BTBD9: variants seen among roughly 807,000 people sequenced by gnomAD.
BTBD9 encodes the protein BTB/POZ domain-containing protein 9.
BTBD9 carries 49 observed loss-of-function variants against 64.3 expected under a neutral mutation model. The ratio of observed to expected loss-of-function variants is 0.76; its 90% CI spans 0.61 to 0.97. The LOEUF (loss-of-function observed/expected upper bound fraction) is 0.97. BTBD9 is among the 50% of genes least tolerant of loss of function. The probability of loss-of-function intolerance (pLI) is 0.00; values close to 1 mark genes in which losing one functional copy is unlikely to be tolerated. For missense variants in BTBD9, 598 were observed against 762.1 expected (o/e 0.78, Z 2.53); for synonymous variants, 260 against 274.7 (o/e 0.95, Z 0.53).
intron 6 of BTBD9, among the ~76,000 whole-genome samples, chr6:38,422,653 T>C (rs922674491): frequency 2.0e-5 from 3 of 152,194 alleles, no homozygotes; most frequent in Non-Finnish European, 4.4e-5. Context: ...ATATCTTCTA[T>C]GAAAAATAAA....
intron 6 of BTBD9, among the ~76,000 whole-genome samples, chr6:38,575,541 T>C (rs768112639): frequency 7.2e-5 from 11 of 152,188 alleles, no homozygotes; most frequent in Non-Finnish European, 1.5e-4. Flanking sequence ...TAGAACATTG[T>C]TTAGGTAGAC....
At chr6:38,187,749 G>A (rs983666390) in intron 10 of BTBD9, among the ~76,000 whole-genome samples, 1 of 152,136 alleles carries the variant, frequency 6.6e-6, no homozygotes, top group African/African-American at 2.4e-5. Context: ...GTAAGCATTG[G>A]GGGAATTTAC....
intron 6 of BTBD9, among the ~76,000 whole-genome samples, chr6:38,523,010 C>G (rs921807938): frequency 1.3e-5 from 2 of 152,050 alleles, no homozygotes; most frequent in African/African-American, 4.8e-5. Flanking sequence ...TGGTGAAACA[C>G]CATCTCTACT....
chr6:38,233,257 C>G (rs923736653), intron 9 of BTBD9, among the ~76,000 whole-genome samples: 3 of 152,168 alleles, frequency 2.0e-5, no homozygotes, highest in Non-Finnish European at 4.4e-5. Context: ...AATTCATTCA[C>G]TATTTTTTTA....
At chr6:38,335,445 G>T (rs9470862) in intron 7 of BTBD9, among the ~76,000 whole-genome samples, 12,746 of 151,834 alleles carry the variant, frequency 0.084, 961 homozygotes, top group African/African-American at 0.19. Context: ...TAGAGACAGG[G>T]TTTTGCCATG....
At chr6:38,559,413 G>GAA (rs988952557) in intron 6 of BTBD9, among the ~76,000 whole-genome samples, 7 of 152,052 alleles carry the variant, frequency 4.6e-5, no homozygotes, top group Non-Finnish European at 1.0e-4. Context: ...AAACACTGCT[G>GAA]AAAGAAATTA....
chr6:38,218,986 C>T (rs902150731), intron 9 of BTBD9, among the ~76,000 whole-genome samples: 1 of 152,090 alleles, frequency 6.6e-6, no homozygotes, highest in African/African-American at 2.4e-5. Context: ...TTTGGTGATA[C>T]TGACAGTTAC....
chr6:38,461,305 T>C (rs537366913), intron 6 of BTBD9, among the ~76,000 whole-genome samples: 1 of 152,342 alleles, frequency 6.6e-6, no homozygotes, highest in East Asian at 1.9e-4. Context: ...TGCTATTTTG[T>C]AATGGTTCAC....
intron 6 of BTBD9, among the ~76,000 whole-genome samples, chr6:38,373,308 A>G (rs967200584): frequency 2.0e-5 from 3 of 152,166 alleles, no homozygotes; most frequent in Admixed American, 6.5e-5. Flanking sequence ...CTTTTGGGAC[A>G]TATTATTCTG....
At chr6:38,584,615 C>A (rs1182199797) in intron 4 of BTBD9, among the ~76,000 whole-genome samples, 1 of 152,082 alleles carries the variant, frequency 6.6e-6, no homozygotes, top group Non-Finnish European at 1.5e-5. Flanking sequence ...CATGGTCATT[C>A]GCCCCAGTGG....
intron 1 of BTBD9, among the ~76,000 whole-genome samples, chr6:38,624,344 T>C (rs1040562099): frequency 1.3e-5 from 2 of 152,150 alleles, no homozygotes; most frequent in Admixed American, 6.5e-5. Flanking sequence ...GTCCTTTCGC[T>C]CTTCACAATA....
intron 6 of BTBD9, among the ~76,000 whole-genome samples, chr6:38,463,459 G>T (rs78281108): frequency 0.02 from 3,122 of 152,324 alleles, 44 homozygotes; most frequent in Non-Finnish European, 0.032. Flanking sequence ...TAGTCCTGAC[G>T]TTAGGAGGAG....
intron 6 of BTBD9, among the ~76,000 whole-genome samples, chr6:38,548,316 G>A (rs752852290): frequency 6.6e-6 from 1 of 152,216 alleles, no homozygotes; most frequent in East Asian, 1.9e-4. Flanking sequence ...CTGTGAAGGC[G>A]GCATGAAGTA....
chr6:38,416,218 T>C (rs180753754), intron 6 of BTBD9, among the ~76,000 whole-genome samples: 6 of 152,220 alleles, frequency 3.9e-5, no homozygotes, highest in Non-Finnish European at 7.4e-5. Flanking sequence ...GAGTTGTAGA[T>C]AGTTGGGATA....
At chr6:38,239,301 G>A (rs375205480) in intron 9 of BTBD9, among the ~76,000 whole-genome samples, 3 of 151,952 alleles carry the variant, frequency 2.0e-5, no homozygotes, top group Non-Finnish European at 4.4e-5. Flanking sequence ...TTAGCTGGGC[G>A]TGGTGGCGCA....
chr6:38,279,588 T>C (rs1761424701), intron 8 of BTBD9, among the ~76,000 whole-genome samples: 2 of 152,178 alleles, frequency 1.3e-5, no homozygotes. Flanking sequence ...CTGTTAGCCC[T>C]CATGAGAATA....
chr6:38,345,206 C>G, intron 6 of BTBD9, 113 bp from the exon 7 acceptor site: 1 of 565,420 alleles, frequency 1.8e-6, no homozygotes, highest in Non-Finnish European at 3.1e-6. Flanking sequence ...GGATATAGAC[C>G]AAAGGAGACT....
At chr6:38,635,023 T>C (rs907203982) in intron 1 of BTBD9, among the ~76,000 whole-genome samples, 2 of 152,204 alleles carry the variant, frequency 1.3e-5, no homozygotes, top group Admixed American at 6.5e-5. Flanking sequence ...CAGCATCACC[T>C]GGGAACTTGT....
intron 7 of BTBD9, among the ~76,000 whole-genome samples, chr6:38,330,021 C>T (rs960879490): frequency 5.3e-5 from 8 of 151,840 alleles, no homozygotes; most frequent in East Asian, 1.9e-4. Flanking sequence ...GCTGCCAAGA[C>T]GTGGATGGTA....
Sources: allele counts gnomAD v4.1 joint callset (sites outside exome capture counted in the v4.1 genomes callset), GRCh38; gene constraint gnomAD v4.1.1; transcripts MANE v1.5; gene names NCBI Gene and HGNC (gene_info 2026-07-23, HGNC 2026-07-21).